Variants in LINC00305 observed in about 807,000 individuals in gnomAD.
LINC00305 encodes long intergenic non-protein coding RNA 305.
intron 3 of LINC00305, among the ~76,000 whole-genome samples, chr18:64,090,952 T>A (rs746925978): frequency 1.3e-5 from 2 of 152,190 alleles, no homozygotes; most frequent in Non-Finnish European, 2.9e-5. Flanking sequence ...TATCTTTAAT[T>A]CACCTCTTGA....
intron 1 of LINC00305, among the ~76,000 whole-genome samples, chr18:64,100,859 G>A (rs894403274): frequency 3.9e-5 from 6 of 152,154 alleles, no homozygotes; most frequent in African/African-American, 1.4e-4. Flanking sequence ...ATGGAAGGCT[G>A]CTGGTGAAGA....
In LINC00305 at chr18:64,119,389, A is replaced by G. The variant is rs572875522; in HGVS notation, n.315-20749T>C. On this transcript the variant is annotated intron_variant and non_coding_transcript_variant, in intron 1 of 3. Transcript: ENST00000666468. ...TTGTGAAGTTTAGGTTGGAGACTAG[A>G]TTGATTTTTAACTTAGCATATTTGT... 2.0e-5 allele frequency among the ~76,000 whole-genome samples: 3 copies of G among 152,264 alleles called. No individual in the cohort carries two copies. In the East Asian group the frequency reaches 5.8e-4, roughly 29 times the overall value.
At chr18:64,084,656 C>T (rs1449012459) in intron 3 of LINC00305, among the ~76,000 whole-genome samples, 1 of 152,202 alleles carries the variant, frequency 6.6e-6, no homozygotes, top group Admixed American at 6.5e-5. Flanking sequence ...CAGTGGCATA[C>T]TACAGTAAAC....
chr18:64,093,575 C>T (rs545760020), intron 3 of LINC00305, among the ~76,000 whole-genome samples: 2 of 152,292 alleles, frequency 1.3e-5, no homozygotes, highest in African/African-American at 4.8e-5. Context: ...CTCAAATGAT[C>T]CACCTACCTT....
At chr18:64,132,239 A>C (rs185200148) in intron 1 of LINC00305, among the ~76,000 whole-genome samples, 2 of 152,364 alleles carry the variant, frequency 1.3e-5, no homozygotes, top group Admixed American at 1.3e-4. Context: ...ATTTCTCCAA[A>C]AGACAGACAG....
rs146334180 is a variant in LINC00305 at position 64,080,666 on chromosome 18, A to G, written n.541-264T>C. 3.4e-3 allele frequency among the ~76,000 whole-genome samples: 525 copies of G among 152,278 alleles called. 10 individuals are homozygous for G. Among genetic ancestry groups the G allele is most frequent in the Admixed American group, 0.024 (365 of 15,288 alleles). On this transcript the variant is annotated intron_variant and non_coding_transcript_variant, in intron 3 of 3. Transcript: ENST00000666468. ...TTAATTGGAGCTAGGTTTGTAATTT[A>G]TGGTGTATAAAATTGAAAGATAATC...
intron 3 of LINC00305, among the ~76,000 whole-genome samples, chr18:64,085,709 C>A (rs2051200762): frequency 2.0e-5 from 3 of 152,224 alleles, no homozygotes; most frequent in Admixed American, 1.3e-4. Flanking sequence ...GATCCACCCG[C>A]CTCTGCCTCC....
At chr18:64,137,036 G>T (rs907203942) in intron 1 of LINC00305, among the ~76,000 whole-genome samples, 1 of 152,178 alleles carries the variant, frequency 6.6e-6, no homozygotes, top group Admixed American at 6.5e-5. Flanking sequence ...TGGAGATAGG[G>T]TCTTTATAGA....
intron 1 of LINC00305, among the ~76,000 whole-genome samples, chr18:64,135,456 A>G (rs1005093118): frequency 1.1e-4 from 17 of 152,168 alleles, no homozygotes; most frequent in African/African-American, 4.1e-4. Flanking sequence ...ACAAATGTAC[A>G]TGGTTTTGGC....
chr18:64,107,207 C>G (rs577515006), intron 1 of LINC00305, among the ~76,000 whole-genome samples: 127 of 152,208 alleles, frequency 8.3e-4, no homozygotes, highest in African/African-American at 2.9e-3. Context: ...GCAAATGGAC[C>G]TGGATTAGAA....
At chr18:64,146,153 T>G (rs1446791645) in intron 1 of LINC00305, among the ~76,000 whole-genome samples, 1 of 152,214 alleles carries the variant, frequency 6.6e-6, no homozygotes, top group East Asian at 1.9e-4. Flanking sequence ...TTTTCAAGAT[T>G]ATCTAGTGGT....
At chr18:64,087,246 A>G (rs957082375) in intron 3 of LINC00305, among the ~76,000 whole-genome samples, 3 of 152,312 alleles carry the variant, frequency 2.0e-5, no homozygotes, top group Admixed American at 2.0e-4. Flanking sequence ...TTAGCCCTCC[A>G]TTAAAAAAGA....
rs77277985 is a variant in LINC00305, at chr18:64,109,958, A to T, written n.315-11318T>A. Among the ~76,000 whole-genome samples the T allele has an allele frequency of 7.7e-3, 1,178 of 152,224 alleles. 37 individuals are homozygous for T. The highest frequency in any genetic ancestry group is 0.064 in the Admixed American group (981 of 15,294). On this transcript the variant is annotated intron_variant and non_coding_transcript_variant, in intron 1 of 3. Transcript: ENST00000666468. ...ACAAAATTGTAAACTTTCTTAAATCATTGTGAGTTTTTTTCTGCAATTTTT... is the reference window on the plus strand; with the variant it reads ...ACAAAATTGTAAACTTTCTTAAATCTTTGTGAGTTTTTTTCTGCAATTTTT...
chr18:64,098,491 A>G (rs2051255624), intron 2 of LINC00305: 1 of 417,176 alleles, frequency 2.4e-6, no homozygotes, highest in African/African-American at 2.1e-5. Flanking sequence ...TAATTTGGGA[A>G]ACAAATTATG....
At chr18:64,094,470 G>C (rs1490502468) in intron 3 of LINC00305, among the ~76,000 whole-genome samples, 1 of 152,164 alleles carries the variant, frequency 6.6e-6, no homozygotes, top group Non-Finnish European at 1.5e-5. Context: ...TCAGCCCAGG[G>C]AAGATCCTCC....
At chr18:64,114,399 C>T (rs2051328748) in intron 1 of LINC00305, among the ~76,000 whole-genome samples, 3 of 152,184 alleles carry the variant, frequency 2.0e-5, no homozygotes, top group Admixed American at 6.5e-5. Flanking sequence ...CAGAGGATTG[C>T]TGAATGGGAC....
At chr18:64,129,979 CTTTTTTTTT>C (rs558611422) in intron 1 of LINC00305, among the ~76,000 whole-genome samples, 2 of 142,272 alleles carry the variant, frequency 1.4e-5, no homozygotes, top group South Asian at 4.5e-4. Context: ...ATGTCATTTT[CTTTTTTTTT>C]TTTTAATTAT....
chr18:64,089,239 T>G (rs1032550827), intron 3 of LINC00305, among the ~76,000 whole-genome samples: 1 of 152,154 alleles, frequency 6.6e-6, no homozygotes, highest in African/African-American at 2.4e-5. Flanking sequence ...TCTCATTAGA[T>G]CTGATGGTTT....
intron 3 of LINC00305, among the ~76,000 whole-genome samples, chr18:64,094,168 A>G (rs572699982): frequency 6.6e-6 from 1 of 152,284 alleles, no homozygotes; most frequent in Admixed American, 6.5e-5. Context: ...ATAGCAAACT[A>G]AAAGAACGTT....
Sources: allele counts gnomAD v4.1 joint callset (sites outside exome capture counted in the v4.1 genomes callset), GRCh38; gene constraint gnomAD v4.1.1; transcripts MANE v1.5; gene names NCBI Gene and HGNC (gene_info 2026-07-23, HGNC 2026-07-21).